Variants in MIA2 observed in about 807,000 individuals in gnomAD.
MIA2 encodes the protein melanoma inhibitory activity protein 2.
Under a neutral mutation model 167.8 loss-of-function variants are expected in MIA2, and 127 were observed. The ratio of observed to expected loss-of-function variants is 0.76; its 90% confidence interval spans 0.66 to 0.88. The LOEUF (loss-of-function observed/expected upper bound fraction) is 0.88. Ranked by LOEUF, MIA2 falls within the 40% of genes least tolerant of loss-of-function variation. The pLI is 0.00. For synonymous variants in MIA2, 552 were observed against 541.9 expected (o/e 1.02, Z -0.26); for missense variants, 1,690 against 1,624.7 (o/e 1.04, Z -0.69).
At chr14:39,299,729 C>A in intron 13 of MIA2, 135 bp from the exon 14 acceptor site, 2 of 770,286 alleles carry the variant, frequency 2.6e-6, no homozygotes, top group Non-Finnish European at 3.9e-6. Context: ...TGTTATTTTA[C>A]ACTACCCCAT....
At chr14:39,267,395 C>T in intron 6 of MIA2, 11 of 1,606,998 alleles carry the variant, frequency 6.8e-6, no homozygotes, top group Middle Eastern at 2.3e-4. Context: ...GTGTGTTCTC[C>T]GCCGTTTATT....
chr14:39,280,125 T>C (rs2058708177), intron 9 of MIA2, among the ~76,000 whole-genome samples: 2 of 152,204 alleles, frequency 1.3e-5, no homozygotes, highest in Admixed American at 1.3e-4. Context: ...GGACCATCTT[T>C]TCTCTGTTGT....
chr14:39,338,769 C>G (rs1422704575), intron 25 of MIA2, among the ~76,000 whole-genome samples: 4 of 152,148 alleles, frequency 2.6e-5, no homozygotes, highest in Non-Finnish European at 4.4e-5. Context: ...GAGAACATTA[C>G]AGATCAAAGA....
intron 6 of MIA2, among the ~76,000 whole-genome samples, chr14:39,273,597 G>A (rs909383182): frequency 6.9e-6 from 1 of 144,778 alleles, no homozygotes; most frequent in East Asian, 2.0e-4. Context: ...AGATGATCAT[G>A]CGTTTTTTTT....
At chr14:39,268,808 T>C (rs1302141308) in intron 6 of MIA2, among the ~76,000 whole-genome samples, 3 of 152,180 alleles carry the variant, frequency 2.0e-5, no homozygotes, top group East Asian at 1.9e-4. Context: ...AGCTAAAATA[T>C]GTTTGACTTT....
intron 6 of MIA2, among the ~76,000 whole-genome samples, chr14:39,260,156 G>A (rs989024466): frequency 2.1e-4 from 32 of 152,256 alleles, no homozygotes; most frequent in Admixed American, 1.0e-3. Flanking sequence ...GAATAGTGCC[G>A]CAGTAAACAT....
At chr14:39,335,561 T>C (rs971271439) in intron 25 of MIA2, among the ~76,000 whole-genome samples, 1 of 152,206 alleles carries the variant, frequency 6.6e-6, no homozygotes, top group South Asian at 2.1e-4. Context: ...ACTTATCTCT[T>C]TTCTCATATG....
At chr14:39,290,760 T>C (rs1354855986) in intron 9 of MIA2, among the ~76,000 whole-genome samples, 2 of 152,224 alleles carry the variant, frequency 1.3e-5, no homozygotes, top group South Asian at 4.1e-4. Flanking sequence ...GTTATAGTCC[T>C]ATGTTCTCTG....
chr14:39,293,985 A>G lies in MIA2; in HGVS notation c.2320-15A>G, dbSNP rs764064059. 1.8e-5 allele frequency: 29 copies of G among 1,599,616 alleles called. No homozygotes were observed. The highest frequency in any genetic ancestry group is 2.2e-5 in the Non-Finnish European group (26 of 1,170,210). ...GAGTTTAGTAAATATTAATTGCCTG[A>G]TACTGTGTTTCTAGATGGCGGATAT... On this transcript the variant is annotated splice_polypyrimidine_tract_variant and intron_variant, in intron 11 of 28. Coordinates refer to ENST00000640607, the MANE Select transcript of MIA2 (RefSeq NM_001329214.4).
intron 7 of MIA2, among the ~76,000 whole-genome samples, chr14:39,277,728 A>T (rs1281087826): frequency 2.2e-3 from 11 of 4,944 alleles, no homozygotes; most frequent in Non-Finnish European, 2.4e-3. Flanking sequence ...GTGTATATAT[A>T]TATATATATA....
chr14:39,367,269 C>T (rs1332650659), intron 23 of MIA2, among the ~76,000 whole-genome samples: 1 of 152,168 alleles, frequency 6.6e-6, no homozygotes, highest in Admixed American at 6.5e-5. Flanking sequence ...TACTATGCCA[C>T]TGCAGTCATT....
intron 23 of MIA2, among the ~76,000 whole-genome samples, chr14:39,380,531 A>G (rs1036744024): frequency 6.6e-6 from 1 of 151,992 alleles, no homozygotes; most frequent in Non-Finnish European, 1.5e-5. Context: ...TATCTCTACT[A>G]AAAAGACAAA....
rs752001494 is a variant in MIA2, at chr14:39,314,818, G to GTGTGTA, written c.3180+24_3180+25insATGTGT. On this transcript the variant is annotated intron_variant, in intron 20 of 28. Transcript: ENST00000640607. ...AGGGCAGGTATATATATATGTGTGT[G>GTGTGTA]TGTGTGTGTGTGTGTGTGTATATAT... 3 of 1,171,500 alleles carry GTGTGTA rather than the reference G, an allele frequency of 2.6e-6. No individual in the cohort carries two copies. Among genetic ancestry groups the GTGTGTA allele is most frequent in the Non-Finnish European group, 3.5e-6 (3 of 846,050 alleles). The allele number at this position is 1,171,500 out of a possible 1,614,324, so 72.6% of individuals were successfully genotyped here. A position where few individuals can be genotyped will look rare whatever the true frequency, so the allele number is the denominator to read the frequency against.
At position 39,298,541 on chromosome 14, in the gene MIA2, T is replaced by TTTTTTTTTTG. The variant is rs1566804393; in HGVS notation, c.2497-1314_2497-1313insGTTTTTTTTT. On this transcript the variant is annotated intron_variant, in intron 13 of 28. Transcript: ENST00000640607. ...TTTGGTAGAACAGAGTTTTTTTTTTTTTTTTTTTTTTTTGTGAGCAACATG... is the reference window on the plus strand; with the variant it reads ...TTTGGTAGAACAGAGTTTTTTTTTTTTTTTTTTTTGTTTTTTTTTTTTTGTGAGCAACATG... Among the ~76,000 whole-genome samples the TTTTTTTTTTG allele has an allele frequency of 1.5e-3, 204 of 133,490 alleles. 14 individuals carry two copies. The highest frequency in any genetic ancestry group is 2.2e-3 in the African/African-American group (80 of 36,754). 87.6% of individuals were successfully genotyped at this position (133,490 alleles called of 152,430 possible).
At chr14:39,310,575 A>C (rs1378150961) in intron 18 of MIA2, among the ~76,000 whole-genome samples, 1 of 152,182 alleles carries the variant, frequency 6.6e-6, no homozygotes, top group Non-Finnish European at 1.5e-5. Flanking sequence ...TGTAGCAGGA[A>C]GCTAACCCTG....
At chr14:39,336,378 A>G (rs928279592) in intron 25 of MIA2, among the ~76,000 whole-genome samples, 8 of 152,332 alleles carry the variant, frequency 5.3e-5, no homozygotes, top group East Asian at 1.9e-4. Flanking sequence ...GTATACACCT[A>G]GTTTCTTCAA....
chr14:39,357,841 G>A (rs908735776), intron 23 of MIA2, among the ~76,000 whole-genome samples: 9 of 150,996 alleles, frequency 6.0e-5, no homozygotes, highest in African/African-American at 2.2e-4. Context: ...TGAAATTCTG[G>A]GTTGAAAATT....
Position 39,303,666 on chromosome 14 carries a change from T to G in MIA2, c.2787+142T>G, listed in dbSNP as rs183296565. ...AAATTATCAGAATTTTCATCATCAA[T>G]TGCTTTTTCCTTTCAATTATTAACT... On this transcript the variant is annotated intron_variant, in intron 16 of 28. Coordinates refer to ENST00000640607, the MANE Select transcript of MIA2 (RefSeq NM_001329214.4). The G allele has an allele frequency of 6.7e-3, 3,771 of 565,630 alleles. 16 individuals are homozygous for G. Among genetic ancestry groups the G allele is most frequent in the Non-Finnish European group, 8.9e-3 (2,933 of 329,912 alleles). 35.0% of individuals were successfully genotyped at this position (565,630 alleles called of 1,614,324 possible).
chr14:39,376,802 A>G (rs1030266557), intron 23 of MIA2, among the ~76,000 whole-genome samples: 2 of 152,290 alleles, frequency 1.3e-5, no homozygotes. Context: ...TACTGAATCC[A>G]CAGGTTGCAA....
Sources: gnomAD v4.1 joint callset for allele counts (sites outside exome capture counted in the v4.1 genomes callset) on GRCh38, gnomAD v4.1.1 for gene constraint, MANE v1.5 for transcripts, NCBI Gene and HGNC (gene_info 2026-07-23, HGNC 2026-07-21) for gene names.